KLF17: variants seen among roughly 807,000 people sequenced by gnomAD.
The protein encoded by KLF17 is KLF transcription factor 17, also known as Krueppel-like factor 17.
A neutral mutation model predicts 34.2 loss-of-function variants in KLF17; 31 were observed. The observed-to-expected ratio is 0.91, with a 90% CI of 0.68 to 1.22. The LOEUF is 1.22. Ranked by LOEUF, KLF17 falls within the 50% of genes most tolerant of loss-of-function variation. The pLI is 0.00. For missense variants in KLF17, 478 were observed against 505.2 expected (o/e 0.95, Z 0.52); for synonymous variants, 179 against 186.7 (o/e 0.96, Z 0.34).
At chr1:44,108,660 C>CTTTTT in the KLF17 span, among the ~76,000 whole-genome samples, 5,773 of 75,196 alleles carry the variant, frequency 0.077, 797 homozygotes, top group Non-Finnish European at 0.089. Context: ...TTTGTTAGCT[C>CTTTTT]TTTTTTTTTT....
At chr1:44,116,279 T>C (rs1307076447), upstream of KLF17, among the ~76,000 whole-genome samples, 2 of 152,130 alleles carry the variant, frequency 1.3e-5, no homozygotes, top group African/African-American at 4.8e-5. Flanking sequence ...ATACTAGTAG[T>C]TGGGGACCCT....
the KLF17 span, among the ~76,000 whole-genome samples, chr1:44,091,381 C>CA: frequency 6.6e-6 from 1 of 152,006 alleles, no homozygotes; most frequent in African/African-American, 2.4e-5. Flanking sequence ...CTGGGCCAGG[C>CA]ACTGTGGCTC....
chr1:44,119,404 GAAA>G lies in KLF17; in HGVS notation c.81+428_81+430del, dbSNP rs560211733. 2.0e-3 allele frequency among the ~76,000 whole-genome samples: 278 copies of G among 137,024 alleles called. 4 individuals carry two copies. The East Asian group carries it at 0.048, about 24-fold the overall frequency. 89.9% of individuals were successfully genotyped at this position (137,024 alleles called of 152,430 possible). The stretch of plus-strand genomic sequence containing the variant: ...TTAGGAAGTGAGCAGGAAACAACAG[GAAA>G]AAAAAAAAAAACCCCAAAAATGTTA... On this transcript the variant is annotated intron_variant, in intron 1 of 3. Transcript: ENST00000372299.
chr1:44,129,401 A>G lies in KLF17; in HGVS notation c.130A>G (p.Ser44Gly). The G allele has an allele frequency of 6.5e-7, 1 of 1,529,862 alleles. No individual in the cohort carries two copies. The highest frequency in any genetic ancestry group is 1.3e-5 in the South Asian group (1 of 77,532). The allele number at this position is 1,529,862 out of a possible 1,614,324, so 94.8% of individuals were successfully genotyped here. Residue 44 changes from serine to glycine, a missense_variant, in exon 2 of 4, where the codon AGC (serine) becomes GGC (glycine). Ser to Gly is a moderately conservative substitution (Grantham distance 56, BLOSUM62 0). Coordinates refer to ENST00000372299, the MANE Select transcript of KLF17 (RefSeq NM_173484.4). ...CTTGAACATGTCTTCATCTTCTGGA[A>G]GCTCTGGAGTGCACACCTCTTGGAA... is the stretch of plus-strand genomic sequence containing the variant. ...PILNMSSSSG[S>G]SGVHTSWNQG...
the KLF17 span, among the ~76,000 whole-genome samples, chr1:44,099,905 GAAAGAAAGAAAGAAA>G: frequency 3.8e-5 from 2 of 52,200 alleles, no homozygotes; most frequent in Non-Finnish European, 8.1e-5. Flanking sequence ...AAGAAAGAAA[GAAAGAAAGAAAGAAA>G]AGAAAGGGAG....
the KLF17 span, among the ~76,000 whole-genome samples, chr1:44,071,110 C>T: frequency 6.6e-6 from 1 of 152,278 alleles, no homozygotes; most frequent in Non-Finnish European, 1.5e-5. Flanking sequence ...CAATGAGCAT[C>T]ACTGTGATAA....
chr1:44,109,360 A>G, the KLF17 span, among the ~76,000 whole-genome samples: 179 of 152,358 alleles, frequency 1.2e-3, no homozygotes, highest in African/African-American at 4.1e-3. Context: ...TTTAAATGGG[A>G]TAAGCAAAAC....
the KLF17 span, among the ~76,000 whole-genome samples, chr1:44,075,456 A>C: frequency 6.6e-6 from 1 of 152,222 alleles, no homozygotes; most frequent in Non-Finnish European, 1.5e-5. Flanking sequence ...TATAAGAAAG[A>C]ATGCTTATTT....
the KLF17 span, among the ~76,000 whole-genome samples, chr1:44,060,366 G>T: frequency 6.6e-6 from 1 of 152,156 alleles, no homozygotes; most frequent in Non-Finnish European, 1.5e-5. Context: ...TACTCAGGAG[G>T]CTGAGGCAGG....
the KLF17 span, among the ~76,000 whole-genome samples, chr1:44,099,480 G>A: frequency 6.6e-6 from 1 of 151,100 alleles, no homozygotes; most frequent in African/African-American, 2.4e-5. Context: ...AAAATAGACA[G>A]GAAATAAATG....
the KLF17 span, among the ~76,000 whole-genome samples, chr1:44,069,015 A>C: frequency 1.3e-5 from 2 of 151,894 alleles, no homozygotes; most frequent in South Asian, 4.2e-4. The surrounding 1 kb of genome is among the most constrained non-coding windows in gnomAD (Gnocchi z 4.7). Context: ...GCCTCCTCTC[A>C]GGGGTCAGGG....
chr1:44,103,014 TTA>T, the KLF17 span, among the ~76,000 whole-genome samples: 2 of 152,238 alleles, frequency 1.3e-5, no homozygotes, highest in Non-Finnish European at 2.9e-5. Context: ...GCCAGAATGC[TTA>T]TATGAGAACA....
chr1:44,129,928 C>A lies in KLF17; in HGVS notation c.657C>A (p.Asp219Glu). The A allele has an allele frequency of 6.2e-7, 1 of 1,614,202 alleles. No individual in the cohort carries two copies. The highest frequency in any genetic ancestry group is 1.1e-5 in the South Asian group (1 of 91,080). ...AQMLPPQDAHDLGMPPAESQS... is the reference protein window; with the variant it reads ...AQMLPPQDAHELGMPPAESQS... ...TGTTGCCCCCGCAAGATGCCCATGA[C>A]CTTGGGATGCCCCCAGCTGAGTCCC... Residue 219 changes from aspartate to glutamate, a missense_variant, in exon 2 of 4, where the codon GAC (aspartate) becomes GAA (glutamate). Transcript: ENST00000372299.
upstream of KLF17, among the ~76,000 whole-genome samples, chr1:44,117,615 C>T (rs2087895777): frequency 6.6e-6 from 1 of 152,004 alleles, no homozygotes; most frequent in Non-Finnish European, 1.5e-5. Context: ...CCTGCCTCAG[C>T]CTCCTGAGTA....
upstream of KLF17, among the ~76,000 whole-genome samples, chr1:44,118,215 G>A (rs1035408792): frequency 1.3e-5 from 2 of 152,126 alleles, no homozygotes; most frequent in South Asian, 2.1e-4. Flanking sequence ...TTGTCTTCCC[G>A]TATAAGATGG....
the KLF17 span, among the ~76,000 whole-genome samples, chr1:44,053,910 A>G: frequency 1.3e-5 from 2 of 152,210 alleles, no homozygotes; most frequent in African/African-American, 4.8e-5. Context: ...AGGCCATGCC[A>G]TATCGTGTGG....
the KLF17 span, among the ~76,000 whole-genome samples, chr1:44,099,927 G>GAAA: frequency 1.4e-5 from 2 of 144,178 alleles, no homozygotes; most frequent in East Asian, 4.4e-4. Flanking sequence ...GAAAAGAAAG[G>GAAA]GAGGGAGGGA....
chr1:44,046,976 G>A, the KLF17 span, among the ~76,000 whole-genome samples: 2 of 146,472 alleles, frequency 1.4e-5, no homozygotes, highest in African/African-American at 2.6e-5. Context: ...TGAGCCGAGC[G>A]AGATCGTGCC....
At chr1:44,073,668 G>T in the KLF17 span, among the ~76,000 whole-genome samples, 1 of 152,080 alleles carries the variant, frequency 6.6e-6, no homozygotes, top group African/African-American at 2.4e-5. Flanking sequence ...TCCCCAAGCA[G>T]AGAGGCTGGC....
Sources: gnomAD v4.1 joint callset for allele counts (sites outside exome capture counted in the v4.1 genomes callset) on GRCh38, gnomAD v4.1.1 for gene constraint, Gnocchi (gnomAD v3.1) non-coding constraint, MANE v1.5 for transcripts, NCBI Gene and HGNC (gene_info 2026-07-23, HGNC 2026-07-21) for gene names.